The following PCED1B variants were observed in gnomAD, a reference collection of about 807,000 sequenced individuals.
PCED1B encodes PC-esterase domain-containing protein 1B.
For synonymous variants in PCED1B, 251 were observed against 246.1 expected, an observed-to-expected ratio of 1.02 and a Z score of -0.19; for missense variants, 573 against 573.9, an observed-to-expected ratio of 1.00 and a Z score of 0.02.
At chr12:47,190,326 T>C (rs1280937887) in intron 2 of PCED1B, among the ~76,000 whole-genome samples, 2 of 152,182 alleles carry the variant, frequency 1.3e-5, no homozygotes, top group Non-Finnish European at 1.5e-5. Context: ...GTTTCCAAAA[T>C]AGATACAGAC....
Position 47,230,904 on chromosome 12 carries a change from G to A in PCED1B, c.-57-4103G>A, listed in dbSNP as rs559128380. Reference sequence around the variant, plus strand: ...ATTTAGCAGCACTTCCTACTTGTTAGGCATTATTACAAACAGTTTACGTTT... The same window carrying A: ...ATTTAGCAGCACTTCCTACTTGTTAAGCATTATTACAAACAGTTTACGTTT... On this transcript the variant is annotated intron_variant, in intron 3 of 3. Transcript: ENST00000546455. 2.6e-5 allele frequency among the ~76,000 whole-genome samples: 4 copies of A among 152,242 alleles called. No individual in the cohort carries two copies. In the South Asian group the frequency reaches 8.3e-4, roughly 32 times the overall value.
chr12:47,226,253 T>C (rs1191426856), intron 3 of PCED1B, among the ~76,000 whole-genome samples: 1 of 152,256 alleles, frequency 6.6e-6, no homozygotes, highest in Non-Finnish European at 1.5e-5. Flanking sequence ...TGATTGTTCA[T>C]AAACCTCCCT....
chr12:47,171,090 G>A (rs573686702), intron 2 of PCED1B, among the ~76,000 whole-genome samples: 3 of 119,972 alleles, frequency 2.5e-5, no homozygotes, highest in Admixed American at 9.3e-5. Flanking sequence ...TTTTTGAGAC[G>A]GAGTTTTGCT....
chr12:47,230,647 G>A (rs551108859), intron 3 of PCED1B, among the ~76,000 whole-genome samples: 11 of 151,840 alleles, frequency 7.2e-5, no homozygotes, highest in African/African-American at 2.4e-4. Context: ...TCACCATTTT[G>A]GCCAGGCTGG....
intron 2 of PCED1B, among the ~76,000 whole-genome samples, chr12:47,162,006 T>C (rs7136496): frequency 0.71 from 107,319 of 151,578 alleles, 38,240 homozygotes; most frequent in African/African-American, 0.78. Context: ...AGCAAACTAT[T>C]GCAAGGACAG....
chr12:47,083,289 G>C, intron 1 of PCED1B, among the ~76,000 whole-genome samples: 1 of 151,970 alleles, frequency 6.6e-6, no homozygotes, highest in East Asian at 1.9e-4. Context: ...TCTACCACGC[G>C]TCCTGTAGTC....
At chr12:47,215,983 G>A (rs1943247752) in intron 2 of PCED1B, among the ~76,000 whole-genome samples, 1 of 152,030 alleles carries the variant, frequency 6.6e-6, no homozygotes, top group African/African-American at 2.4e-5. Flanking sequence ...AACCTGGGAG[G>A]CAGAGGTTGC....
Position 47,236,325 on chromosome 12 carries a change from G to C in PCED1B, c.1262G>C (p.Arg421Thr), listed in dbSNP as rs374835427. The C allele has an allele frequency of 8.7e-6, 14 of 1,611,002 alleles. No individual in the cohort carries two copies. The highest frequency in any genetic ancestry group is 9.3e-6 in the Non-Finnish European group (11 of 1,178,612). The change falls in exon 4 of 4, where the codon AGA becomes ACA. Residue 421 changes from arginine to threonine, a missense_variant. Arg to Thr is a moderately conservative substitution (Grantham distance 71). Transcript: ENST00000546455. ...GGACAGCGGCCTCGACCTTCAAAGA[G>C]AAGGGCCCCAGCCAATCCTGAGCCA... ...PWGQRPRPSK[R>T]RAPANPEPRP...
intron 2 of PCED1B, among the ~76,000 whole-genome samples, chr12:47,107,033 A>G (rs1017594307): frequency 1.3e-5 from 2 of 152,156 alleles, no homozygotes; most frequent in African/African-American, 2.4e-5. Context: ...TTACCCGGCC[A>G]GGGCTCAAGC....
Position 47,162,125 on chromosome 12 carries a change from G to T in PCED1B, c.-525-54097G>T, listed in dbSNP as rs190006788. ...CTGGGGCCTGTTGTGGGGTGGTGGG[G>T]GGGGGAAGGATAGCATTAGGAGATA... On this transcript the variant is annotated intron_variant, in intron 2 of 3. Coordinates refer to ENST00000546455, the MANE Select transcript of PCED1B (RefSeq NM_138371.3). Among the ~76,000 whole-genome samples, 34 of 151,822 alleles carry T rather than the reference G, an allele frequency of 2.2e-4. No homozygotes were observed. The East Asian group carries it at 6.0e-3, about 27-fold the overall frequency.
intron 2 of PCED1B, chr12:47,138,263 T>C (rs981491991): frequency 1.3e-5 from 2 of 152,178 alleles, no homozygotes; most frequent in African/African-American, 2.4e-5. Flanking sequence ...ACCTCAAACA[T>C]GGGAAGACAA....
At chr12:47,174,885 TAA>T (rs1565583138) in intron 2 of PCED1B, among the ~76,000 whole-genome samples, 1 of 152,170 alleles carries the variant, frequency 6.6e-6, no homozygotes, top group East Asian at 1.9e-4. Flanking sequence ...TCCTCATCTG[TAA>T]AATGGGAATT....
At chr12:47,131,036 C>A (rs1940102577) in intron 2 of PCED1B, among the ~76,000 whole-genome samples, 1 of 152,128 alleles carries the variant, frequency 6.6e-6, no homozygotes, top group Non-Finnish European at 1.5e-5. Context: ...GTTCAGTCAT[C>A]CGCCAAAAAC....
intron 2 of PCED1B, among the ~76,000 whole-genome samples, chr12:47,198,584 CA>C (rs1399175793): frequency 6.6e-6 from 1 of 150,784 alleles, no homozygotes; most frequent in Non-Finnish European, 1.5e-5. Flanking sequence ...AAACAAAAAA[CA>C]AACAAACAAA....
chr12:47,132,567 T>C (rs1295329620), intron 2 of PCED1B, among the ~76,000 whole-genome samples: 1 of 152,206 alleles, frequency 6.6e-6, no homozygotes, highest in Non-Finnish European at 1.5e-5. Flanking sequence ...GGCTGAGGAA[T>C]GGGCTCCATC....
intron 1 of PCED1B, 190 bp downstream of exon 1, chr12:47,079,915 AC>A: frequency 6.6e-6 from 1 of 151,034 alleles, no homozygotes; most frequent in South Asian, 2.1e-4. Context: ...CGCCGGTCCC[AC>A]CCCTGCGCGT....
At chr12:47,108,997 G>A (rs969881578) in intron 2 of PCED1B, among the ~76,000 whole-genome samples, 1 of 152,092 alleles carries the variant, frequency 6.6e-6, no homozygotes, top group African/African-American at 2.4e-5. Context: ...TTCATCTTTT[G>A]GATTAATCAT....
rs139192835 is a variant in PCED1B, at chr12:47,136,229, A to G, written c.-526+32034A>G. Among the ~76,000 whole-genome samples the G allele has an allele frequency of 3.3e-3, 497 of 151,326 alleles. 2 individuals carry two copies. Among genetic ancestry groups the G allele is most frequent in the Middle Eastern group, 0.014 (4 of 292 alleles). On this transcript the variant is annotated intron_variant, in intron 2 of 3. Transcript: ENST00000546455. The stretch of plus-strand genomic sequence containing the variant: ...GATCTTATCTTTTGCCCATTTTTCT[A>G]TTGATTTGCTCACCTTTCAATTCAT...
chr12:47,131,430 T>C (rs1940121192), intron 2 of PCED1B, among the ~76,000 whole-genome samples: 1 of 152,090 alleles, frequency 6.6e-6, no homozygotes, highest in South Asian at 2.1e-4. Context: ...CTTGTTAGGA[T>C]AAATGTGTAA....
Sources: allele counts gnomAD v4.1 joint callset (sites outside exome capture counted in the v4.1 genomes callset), GRCh38; gene constraint gnomAD v4.1.1; transcripts MANE v1.5; gene names NCBI Gene and HGNC (gene_info 2026-07-23, HGNC 2026-07-21).